The following FGGY variants were observed in gnomAD, a reference collection of about 807,000 sequenced individuals.
FGGY encodes the protein FGGY carbohydrate kinase domain containing, also known as FGGY carbohydrate kinase domain-containing protein.
Under a neutral mutation model 71.3 loss-of-function variants are expected in FGGY, and 72 were observed. The ratio of observed to expected loss-of-function variants is 1.01; its 90% CI spans 0.84 to 1.23. The LOEUF (loss-of-function observed/expected upper bound fraction) is 1.23. Among genes scored for constraint, FGGY ranks in the 50% most tolerant of loss-of-function variants. FGGY has a pLI of 0.00. For missense variants in FGGY, 668 were observed against 682.3 expected, an observed-to-expected ratio of 0.98 and a Z score of 0.23; for synonymous variants, 251 against 250.3, an observed-to-expected ratio of 1.00 and a Z score of -0.02.
chr1:59,612,623 C>T (rs955853678), intron 9 of FGGY, among the ~76,000 whole-genome samples: 3 of 152,172 alleles, frequency 2.0e-5, no homozygotes, highest in Non-Finnish European at 4.4e-5. Flanking sequence ...GTCATAATGA[C>T]AGGATCAAAT....
intron 7 of FGGY, among the ~76,000 whole-genome samples, chr1:59,533,945 G>C (rs956467313): frequency 8.5e-5 from 13 of 152,328 alleles, no homozygotes; most frequent in East Asian, 7.7e-4. Flanking sequence ...CAAAGGAACG[G>C]AGTTCCTCAC....
At chr1:59,395,040 A>G (rs2061162571) in intron 5 of FGGY, among the ~76,000 whole-genome samples, 1 of 151,844 alleles carries the variant, frequency 6.6e-6, no homozygotes, top group African/African-American at 2.4e-5. Context: ...TTATTTGTGA[A>G]TTTTGGGCAG....
In FGGY at chr1:59,392,488, T is replaced by C. The variant is rs1357577886; in HGVS notation, c.554+13651T>C. Reference sequence around the variant, plus strand: ...CATCTGCAAAATGTGCTGCTTGGAGTGGGTGATTTATTTAGTACTTCCCAG... The same window carrying C: ...CATCTGCAAAATGTGCTGCTTGGAGCGGGTGATTTATTTAGTACTTCCCAG... On this transcript the variant is annotated intron_variant, in intron 5 of 15. Transcript: ENST00000303721. 2.6e-5 allele frequency among the ~76,000 whole-genome samples: 4 copies of C among 151,970 alleles called. No individual in the cohort carries two copies. The East Asian group carries it at 7.7e-4, about 29-fold the overall frequency.
chr1:59,546,532 G>GATTATTATTATTATTATT (rs1214052314), intron 7 of FGGY, among the ~76,000 whole-genome samples: 1 of 102,130 alleles, frequency 9.8e-6, no homozygotes, highest in African/African-American at 4.1e-5. Flanking sequence ...TGATGATGAT[G>GATTATTATTATTATTATT]ATGATTATTA....
At chr1:59,419,107 A>G (rs1268140276) in intron 5 of FGGY, among the ~76,000 whole-genome samples, 1 of 152,204 alleles carries the variant, frequency 6.6e-6, no homozygotes, top group African/African-American at 2.4e-5. Flanking sequence ...CGCAATGCAT[A>G]TCAATGTTGT....
intron 5 of FGGY, among the ~76,000 whole-genome samples, chr1:59,427,509 C>G (rs530474636): frequency 2.0e-5 from 3 of 152,210 alleles, no homozygotes; most frequent in Non-Finnish European, 4.4e-5. Context: ...TCAGTCCAGG[C>G]TCTCTGGACT....
chr1:59,488,038 G>A (rs1033273842), intron 6 of FGGY, among the ~76,000 whole-genome samples: 3 of 151,974 alleles, frequency 2.0e-5, no homozygotes, highest in Non-Finnish European at 4.4e-5. Flanking sequence ...CCATTTTAAC[G>A]CAGTTGAAAC....
chr1:59,725,197 T>G (rs758265256), intron 14 of FGGY, among the ~76,000 whole-genome samples: 18 of 152,234 alleles, frequency 1.2e-4, no homozygotes, highest in Non-Finnish European at 2.6e-4. Flanking sequence ...ATTTCAAACA[T>G]GACTTGTTGA....
At chr1:59,638,691 C>T (rs1572459487) in intron 11 of FGGY, among the ~76,000 whole-genome samples, 2 of 152,164 alleles carry the variant, frequency 1.3e-5, no homozygotes, top group South Asian at 2.1e-4. Flanking sequence ...TCAAATTTTC[C>T]AGCTGCATCT....
intron 9 of FGGY, 47 bp from the exon 10 acceptor site, chr1:59,625,941 A>G (rs529400647): frequency 5.5e-6 from 8 of 1,460,386 alleles, no homozygotes; most frequent in East Asian, 2.4e-5. Context: ...TATCTTATAC[A>G]TAAATTAAAG....
intron 14 of FGGY, among the ~76,000 whole-genome samples, chr1:59,711,848 T>C (rs1182453046): frequency 1.3e-5 from 2 of 152,154 alleles, no homozygotes; most frequent in Admixed American, 6.5e-5. Context: ...CAAGATGAGA[T>C]TTGGATGCGG....
chr1:59,572,101 T>G (rs1355251137), intron 8 of FGGY, among the ~76,000 whole-genome samples: 1 of 152,184 alleles, frequency 6.6e-6, no homozygotes, highest in African/African-American at 2.4e-5. Flanking sequence ...TTTTTTAATG[T>G]TCACATAAGT....
chr1:59,725,217 A>G (rs1235586645), intron 14 of FGGY, among the ~76,000 whole-genome samples: 2 of 152,208 alleles, frequency 1.3e-5, no homozygotes, highest in African/African-American at 2.4e-5. Flanking sequence ...AAAATATTAC[A>G]CTATATCCTT....
At chr1:59,317,901 A>G (rs2045734740) in intron 1 of FGGY, among the ~76,000 whole-genome samples, 2 of 152,182 alleles carry the variant, frequency 1.3e-5, no homozygotes, top group Admixed American at 1.3e-4. Context: ...ATATTTTGCT[A>G]GAAGCAGGCC....
intron 9 of FGGY, among the ~76,000 whole-genome samples, chr1:59,609,291 G>A (rs1022547921): frequency 2.0e-5 from 3 of 152,210 alleles, no homozygotes; most frequent in Non-Finnish European, 4.4e-5. Context: ...AACATGCTAA[G>A]GAATTGAACT....
At chr1:59,388,334 A>G (rs185848485) in intron 5 of FGGY, among the ~76,000 whole-genome samples, 1 of 152,294 alleles carries the variant, frequency 6.6e-6, no homozygotes, top group East Asian at 1.9e-4. Context: ...AGTGACCCTT[A>G]AAATGTGGCT....
intron 7 of FGGY, among the ~76,000 whole-genome samples, chr1:59,540,532 A>G (rs1392208590): frequency 1.3e-5 from 2 of 152,148 alleles, no homozygotes; most frequent in African/African-American, 4.8e-5. Context: ...AGACATCTGG[A>G]CAGTGGTTAT....
intron 9 of FGGY, among the ~76,000 whole-genome samples, chr1:59,618,142 A>G (rs114242155): frequency 6.6e-6 from 1 of 152,230 alleles, no homozygotes; most frequent in South Asian, 2.1e-4. Context: ...ACCATCAAAT[A>G]AGAAAGTTGG....
At chr1:59,325,169 T>C (rs1034345998) in intron 2 of FGGY, among the ~76,000 whole-genome samples, 9 of 151,256 alleles carry the variant, frequency 6.0e-5, no homozygotes, top group Non-Finnish European at 1.2e-4. Flanking sequence ...CTGGTTAACA[T>C]GGTGAAACCC....
Sources: allele counts gnomAD v4.1 joint callset (sites outside exome capture counted in the v4.1 genomes callset), GRCh38; gene constraint gnomAD v4.1.1; transcripts MANE v1.5; gene names NCBI Gene and HGNC (gene_info 2026-07-23, HGNC 2026-07-21).